PUM1: variants seen among roughly 807,000 people sequenced by gnomAD.
PUM1 encodes pumilio homolog 1.
A neutral mutation model predicts 131.8 loss-of-function variants in PUM1; 13 were observed. That is an observed-to-expected ratio of 0.10 (90% confidence interval 0.06 to 0.16). The LOEUF (loss-of-function observed/expected upper bound fraction) is 0.16, where lower values mean the gene tolerates loss of function less well. Ranked by LOEUF, PUM1 falls within the 10% of genes least tolerant of loss-of-function variation. The pLI is 1.00. For synonymous variants in PUM1, 509 were observed against 556.5 expected (o/e 0.91, Z 1.20); for missense variants, 961 against 1,512.4 (o/e 0.64, Z 6.05).
rs747146123 is a variant in PUM1, at chr1:30,933,187, G to A, written c.*24C>T. ...GTGGGCCAGTGAGGTCAGCGGGAAT[G>A]AGGGAACAGCGGGTGACACTGCCTC... On this transcript the variant is annotated 3_prime_UTR_variant, in exon 22 of 22. Coordinates refer to ENST00000426105, the MANE Select transcript of PUM1 (RefSeq NM_001020658.2). 1 of 1,598,356 alleles carries A rather than the reference G, an allele frequency of 6.3e-7. No individual in the cohort carries two copies. Among genetic ancestry groups the A allele is most frequent in the Non-Finnish European group, 8.5e-7 (1 of 1,171,764 alleles).
chr1:30,970,365 G>A (rs183848949), intron 10 of PUM1, among the ~76,000 whole-genome samples: 9 of 152,134 alleles, frequency 5.9e-5, no homozygotes, highest in African/African-American at 2.2e-4. Flanking sequence ...CACTTAATTT[G>A]CCCAATCTTT....
At chr1:31,031,394 C>G (rs750657346) in intron 2 of PUM1, among the ~76,000 whole-genome samples, 2 of 152,186 alleles carry the variant, frequency 1.3e-5, no homozygotes, top group Admixed American at 6.5e-5. Context: ...AAAGTATGCA[C>G]TGTGTATATT....
At chr1:30,964,116 C>T (rs576486343) in intron 14 of PUM1, among the ~76,000 whole-genome samples, 4 of 152,044 alleles carry the variant, frequency 2.6e-5, no homozygotes, top group Non-Finnish European at 5.9e-5. Context: ...ATGCATAAAA[C>T]AATCTAAATA....
chr1:30,969,405 C>T (rs986700548), intron 10 of PUM1, among the ~76,000 whole-genome samples: 10 of 150,640 alleles, frequency 6.6e-5, no homozygotes, highest in African/African-American at 2.4e-4. Context: ...AATTTACCCA[C>T]ACATTTAAAG....
At chr1:31,009,782 A>AAAAAAACAAAAACAAAAAC (rs375044466) in intron 3 of PUM1, among the ~76,000 whole-genome samples, 1 of 125,368 alleles carries the variant, frequency 8.0e-6, no homozygotes, top group South Asian at 2.6e-4. Flanking sequence ...AAAAAAAAAA[A>AAAAAAACAAAAACAAAAAC]AAAAACAAAA....
At chr1:30,994,226 A>G (rs1050639667) in intron 6 of PUM1, among the ~76,000 whole-genome samples, 26 of 152,346 alleles carry the variant, frequency 1.7e-4, no homozygotes, top group Non-Finnish European at 2.9e-4. Flanking sequence ...TTTGGCAGAC[A>G]TTAGAATAAG....
intron 7 of PUM1, 24 bp downstream of exon 7, chr1:30,992,366 G>C: frequency 6.2e-7 from 1 of 1,605,690 alleles, no homozygotes. Context: ...AGAGTAGAGA[G>C]GGTGACAGAG....
In PUM1 at chr1:30,933,358, A is replaced by G; in HGVS notation, c.3436-16T>C. The G allele has an allele frequency of 6.2e-7, 1 of 1,610,408 alleles. No homozygotes were observed. The highest frequency in any genetic ancestry group is 8.5e-7 in the Non-Finnish European group (1 of 1,177,686). ...GGGGCCGGATCTGGGGAGGAAAGACAGTCTGTGTTACATGGCCTGAGATGA... is the reference window on the plus strand; with the variant it reads ...GGGGCCGGATCTGGGGAGGAAAGACGGTCTGTGTTACATGGCCTGAGATGA... On this transcript the variant is annotated splice_polypyrimidine_tract_variant and intron_variant, in intron 21 of 21. Coordinates refer to ENST00000426105, the MANE Select transcript of PUM1 (RefSeq NM_001020658.2).
chr1:31,015,576 C>T (rs961234390), intron 3 of PUM1, among the ~76,000 whole-genome samples: 1 of 151,952 alleles, frequency 6.6e-6, no homozygotes, highest in African/African-American at 2.4e-5. Flanking sequence ...CTCCTGATCT[C>T]GTGATCTGCC....
chr1:31,025,271 G>A (rs1161868228), intron 3 of PUM1, among the ~76,000 whole-genome samples: 1 of 151,822 alleles, frequency 6.6e-6, no homozygotes, highest in Non-Finnish European at 1.5e-5. Context: ...TGGCTTTGAA[G>A]AAAAAAACGT....
In PUM1 at chr1:30,993,963, G is replaced by A. The variant is rs191276653; in HGVS notation, c.887+1091C>T. Among the ~76,000 whole-genome samples the A allele has an allele frequency of 5.4e-3, 826 of 152,254 alleles. 2 individuals are homozygous for A. Among genetic ancestry groups the A allele is most frequent in the Middle Eastern group, 0.014 (4 of 294 alleles). ...TGCGCGGCTGTAGTCCCAGCTACTC[G>A]GGAGGCTGAAGTGGGAAGACTGCTT... is the stretch of plus-strand genomic sequence containing the variant. On this transcript the variant is annotated intron_variant, in intron 6 of 21. Coordinates refer to ENST00000426105, the MANE Select transcript of PUM1 (RefSeq NM_001020658.2).
At chr1:31,013,464 G>A (rs1642694744) in intron 3 of PUM1, among the ~76,000 whole-genome samples, 1 of 152,148 alleles carries the variant, frequency 6.6e-6, no homozygotes, top group Non-Finnish European at 1.5e-5. Context: ...CTACTAACAT[G>A]GATGTTACAA....
chr1:30,950,988 G>A (rs1326165919), intron 16 of PUM1, among the ~76,000 whole-genome samples: 3 of 152,006 alleles, frequency 2.0e-5, no homozygotes, highest in African/African-American at 4.8e-5. Context: ...GAGTTGGGAG[G>A]GGAAAAATCA....
intron 10 of PUM1, among the ~76,000 whole-genome samples, chr1:30,970,348 G>A (rs960275719): frequency 3.9e-5 from 6 of 152,214 alleles, no homozygotes; most frequent in Non-Finnish European, 7.3e-5. Context: ...AAGAAGGGAT[G>A]TGTGGACACT....
At chr1:30,958,858 CAAAA>C (rs974841896) in intron 14 of PUM1, among the ~76,000 whole-genome samples, 1 of 151,978 alleles carries the variant, frequency 6.6e-6, no homozygotes, top group Admixed American at 6.6e-5. Context: ...ATAAGTCAAA[CAAAA>C]TAAATACTTG....
chr1:30,985,786 C>G (rs985577713), intron 7 of PUM1, among the ~76,000 whole-genome samples: 1 of 152,024 alleles, frequency 6.6e-6, no homozygotes, highest in Non-Finnish European at 1.5e-5. Flanking sequence ...CATTATACTA[C>G]TTTAAGAAAA....
In PUM1 at chr1:30,992,414, A is replaced by G. The variant is rs1199329832; in HGVS notation, c.1134T>C (p.Leu378=). Residue 378 remains leucine, a synonymous_variant, in exon 7 of 22, where the codon CTT becomes CTC. Coordinates refer to ENST00000426105, the MANE Select transcript of PUM1 (RefSeq NM_001020658.2). ...PVDSAAATVG[L]FDYNSQQQLF... ...CCTGTTGTTGAGAATTGTAGTCAAA[A>G]AGTCCCACAGTTGCTGCTGCTGAGT... The G allele has an allele frequency of 6.8e-6, 11 of 1,614,000 alleles. No homozygotes were observed. The highest frequency in any genetic ancestry group is 9.3e-6 in the Non-Finnish European group (11 of 1,180,008).
At chr1:31,012,154 A>C (rs1185387211) in intron 3 of PUM1, among the ~76,000 whole-genome samples, 1 of 152,120 alleles carries the variant, frequency 6.6e-6, no homozygotes, top group Non-Finnish European at 1.5e-5. Context: ...TCCTATAGCC[A>C]ACCATGCCAA....
chr1:31,017,624 T>C (rs1342387882), intron 3 of PUM1, among the ~76,000 whole-genome samples: 1 of 152,058 alleles, frequency 6.6e-6, no homozygotes, highest in Non-Finnish European at 1.5e-5. Flanking sequence ...GCCAAAAGAC[T>C]GGACAACCCT....
Sources: gnomAD v4.1 joint callset for allele counts (sites outside exome capture counted in the v4.1 genomes callset) on GRCh38, gnomAD v4.1.1 for gene constraint, MANE v1.5 for transcripts, NCBI Gene and HGNC (gene_info 2026-07-23, HGNC 2026-07-21) for gene names.